Variants in THUMPD3 observed in about 807,000 individuals in gnomAD.
The protein encoded by THUMPD3 is THUMP domain 3 tRNA guanosine methyltransferase, also known as tRNA (guanine(6)-N(2))-methyltransferase THUMP3.
Under a neutral mutation model 54.5 loss-of-function variants are expected in THUMPD3, and 44 were observed. The ratio of observed to expected loss-of-function variants is 0.81; its 90% CI spans 0.63 to 1.04. The LOEUF is 1.04. Ranked by LOEUF, THUMPD3 falls within the 50% of genes least tolerant of loss-of-function variation. The pLI is 0.00. For missense variants in THUMPD3, 604 were observed against 601.3 expected (o/e 1.00, Z -0.05); for synonymous variants, 196 against 201.4 (o/e 0.97, Z 0.23).
chr3:9,382,465 G>A (rs549586138), intron 7 of THUMPD3, among the ~76,000 whole-genome samples: 1 of 151,566 alleles, frequency 6.6e-6, no homozygotes, highest in Non-Finnish European at 1.5e-5. Flanking sequence ...TTTTCCTTTT[G>A]GTTTTTCATC....
chr3:9,374,473 G>T, intron 4 of THUMPD3, 43 bp from the exon 5 acceptor site: 1 of 1,604,544 alleles, frequency 6.2e-7, no homozygotes, highest in South Asian at 1.1e-5. Flanking sequence ...AGCGCAGTTT[G>T]AACAATCCTA....
At chr3:9,384,184 G>GT in intron 8 of THUMPD3, 28 bp from the exon 9 acceptor site, 1 of 1,609,618 alleles carries the variant, frequency 6.2e-7, no homozygotes, top group East Asian at 2.2e-5. Flanking sequence ...TTTTGCAAGT[G>GT]TTTGACTCAT....
At chr3:9,381,737 A>G (rs1359145469) in intron 7 of THUMPD3, among the ~76,000 whole-genome samples, 1 of 77,902 alleles carries the variant, frequency 1.3e-5, no homozygotes, top group African/African-American at 5.0e-5. Context: ...TTGTACCTAC[A>G]CTGTCTGTTC....
intron 7 of THUMPD3, among the ~76,000 whole-genome samples, chr3:9,381,652 CTT>C (rs59920736): frequency 3.6e-5 from 5 of 138,744 alleles, no homozygotes; most frequent in African/African-American, 1.3e-4. Flanking sequence ...TATGGCCAGT[CTT>C]TTTTTTTTTT....
At chr3:9,365,939 T>A (rs1416297575) in intron 2 of THUMPD3, among the ~76,000 whole-genome samples, 2 of 152,172 alleles carry the variant, frequency 1.3e-5, no homozygotes, top group Non-Finnish European at 2.9e-5. Flanking sequence ...GCACTGAGCA[T>A]TTCCTTTCAG....
chr3:9,383,103 A>G (rs559742548), intron 7 of THUMPD3, 96 bp from the exon 8 acceptor site: 1 of 745,626 alleles, frequency 1.3e-6, no homozygotes, highest in South Asian at 1.5e-5. Context: ...TTAGCAGTTT[A>G]TGTTTTGCTG....
intron 7 of THUMPD3, 109 bp from the exon 8 acceptor site, chr3:9,383,090 T>C (rs1005003181): frequency 7.5e-6 from 5 of 663,862 alleles, no homozygotes; most frequent in South Asian, 1.8e-5. Context: ...ATCACTGATA[T>C]CCTTAGCAGT....
At chr3:9,379,346 A>G (rs1193898745) in intron 6 of THUMPD3, among the ~76,000 whole-genome samples, 1 of 152,152 alleles carries the variant, frequency 6.6e-6, no homozygotes, top group Non-Finnish European at 1.5e-5. Flanking sequence ...TCATCGTAGG[A>G]TTGTAGACAG....
At chr3:9,381,148 G>A (rs1049856853) in intron 7 of THUMPD3, among the ~76,000 whole-genome samples, 4 of 152,142 alleles carry the variant, frequency 2.6e-5, no homozygotes, top group Admixed American at 2.0e-4. Flanking sequence ...TGTCCAGGCT[G>A]GTGTCAAACT....
intron 6 of THUMPD3, among the ~76,000 whole-genome samples, chr3:9,379,026 A>G (rs1352506464): frequency 6.6e-6 from 1 of 152,182 alleles, no homozygotes; most frequent in East Asian, 1.9e-4. Context: ...GCAGATGTCA[A>G]TGTAGAAAAA....
In THUMPD3 at chr3:9,384,788, T is replaced by C. The variant is rs1346986608; in HGVS notation, c.*100T>C. ...TAACAAAACTGCAGTCTGCACTCTT[T>C]AAACCTGTTTAAGGCTCTTCATCCT... On this transcript the variant is annotated 3_prime_UTR_variant, in exon 10 of 10. Transcript: ENST00000452837. 2.2e-6 allele frequency: 3 copies of C among 1,351,542 alleles called. No individual in the cohort carries two copies. The highest frequency in any genetic ancestry group is 2.6e-5 in the South Asian group (2 of 75,812). 83.7% of individuals were successfully genotyped at this position (1,351,542 alleles called of 1,614,324 possible). A position where few individuals can be genotyped will look rare whatever the true frequency, so the allele number is the denominator to read the frequency against.
intron 4 of THUMPD3, among the ~76,000 whole-genome samples, chr3:9,373,310 T>C (rs980518113): frequency 3.3e-5 from 5 of 151,874 alleles, no homozygotes; most frequent in Non-Finnish European, 7.4e-5. Context: ...CTAGGCGACA[T>C]AGGGAGACCC....
chr3:9,372,757 G>C (rs1352106501), intron 4 of THUMPD3, among the ~76,000 whole-genome samples: 1 of 151,972 alleles, frequency 6.6e-6, no homozygotes, highest in African/African-American at 2.4e-5. Flanking sequence ...TTTTATCTGG[G>C]TGATTGACAT....
rs1285898001 is a variant in THUMPD3, at chr3:9,365,253, C to A, written c.185C>A (p.Ser62Ter). 6.2e-7 allele frequency: 1 copy of A among 1,614,162 alleles called. No homozygotes were observed. The highest frequency in any genetic ancestry group is 1.1e-5 in the South Asian group (1 of 91,076). The change falls in exon 2 of 10, where the codon TCA (serine) becomes TAA (stop). Residue 62 changes from serine to a stop codon, truncating the protein, a stop_gained. Transcript: ENST00000452837. LOFTEE classifies it high-confidence loss of function. ...GATGAAGTCAGAGAGAAACTTGGGT[C>A]ATCATGCAAAATCAGCAGAGACCGT... is the stretch of plus-strand genomic sequence containing the variant. ...AADEVREKLG[S>*]SCKISRDRGK...
In THUMPD3 at chr3:9,371,468, A is replaced by G. The variant is rs759765487; in HGVS notation, c.739A>G (p.Arg247Gly). Reference sequence around the variant, plus strand: ...TTGCTTTACCTCAAATGAGGCTGCAAGAGATTTTGGGGGTGCTGTTCAAGA... The same window carrying G: ...TTGCTTTACCTCAAATGAGGCTGCAGGAGATTTTGGGGGTGCTGTTCAAGA... ...KHCFTSNEAA[R>G]DFGGAVQDYF... Residue 247 changes from arginine (R) to glycine (G), a missense_variant, in exon 4 of 10, where the codon AGA (arginine) becomes GGA (glycine). Transcript: ENST00000452837. 24 of 1,614,168 alleles carry G rather than the reference A, an allele frequency of 1.5e-5. No individual in the cohort carries two copies. The East Asian group carries it at 1.8e-4, about 12-fold the overall frequency.
At chr3:9,379,037 C>T (rs963847711) in intron 6 of THUMPD3, among the ~76,000 whole-genome samples, 6 of 151,914 alleles carry the variant, frequency 3.9e-5, no homozygotes, top group East Asian at 1.9e-4. Context: ...TGTAGAAAAA[C>T]CTAAGCCGAT....
rs1021590915 is a variant in THUMPD3 at position 9,384,830 on chromosome 3, G to C, written c.*142G>C. 1.1e-5 allele frequency: 10 copies of C among 921,034 alleles called. No individual in the cohort carries two copies. The highest frequency in any genetic ancestry group is 2.7e-5 in the Admixed American group (1 of 36,840). 57.1% of individuals were successfully genotyped at this position (921,034 alleles called of 1,614,324 possible). A position where few individuals can be genotyped will look rare whatever the true frequency, so the allele number is the denominator to read the frequency against. ...CTTCATCCTGGTTAGCAAAAGGTGT[G>C]AATGTAATGTGATGGAATTTAAAAG... On this transcript the variant is annotated 3_prime_UTR_variant, in exon 10 of 10. Transcript: ENST00000452837.
intron 3 of THUMPD3, among the ~76,000 whole-genome samples, chr3:9,369,667 T>C (rs1176330865): frequency 6.6e-6 from 1 of 152,242 alleles, no homozygotes; most frequent in Non-Finnish European, 1.5e-5. Context: ...TATAATAATT[T>C]AACCAGTCCC....
intron 4 of THUMPD3, among the ~76,000 whole-genome samples, chr3:9,372,926 C>CT (rs935181416): frequency 6.6e-6 from 1 of 152,098 alleles, no homozygotes; most frequent in African/African-American, 2.4e-5. Flanking sequence ...AATCAGGAGT[C>CT]TAATTCCCCA....
Sources: allele counts gnomAD v4.1 joint callset (sites outside exome capture counted in the v4.1 genomes callset), GRCh38; gene constraint gnomAD v4.1.1; transcripts MANE v1.5; gene names NCBI Gene and HGNC (gene_info 2026-07-23, HGNC 2026-07-21).